Variants in EPHB1 observed in about 807,000 individuals in gnomAD.
EPHB1 encodes the protein EPH receptor B1.
Under a neutral mutation model 94.4 loss-of-function variants are expected in EPHB1, and 30 were observed. That is an observed-to-expected ratio of 0.32 (90% CI 0.24 to 0.43). The LOEUF (loss-of-function observed/expected upper bound fraction) is 0.43, where lower values mean the gene tolerates loss of function less well. Among genes scored for constraint, EPHB1 ranks in the 20% least tolerant of loss-of-function variants. The probability of loss-of-function intolerance (pLI) is 1.00; values close to 1 mark genes in which losing one functional copy is unlikely to be tolerated. For synonymous variants in EPHB1, 522 were observed against 489.1 expected, an observed-to-expected ratio of 1.07 and a Z score of -0.89; for missense variants, 1,055 against 1,308.3, an observed-to-expected ratio of 0.81 and a Z score of 2.99.
At chr3:134,886,332 G>T (rs114889377) in intron 1 of EPHB1, among the ~76,000 whole-genome samples, 20 of 152,268 alleles carry the variant, frequency 1.3e-4, no homozygotes, top group African/African-American at 3.1e-4. Context: ...CATTCTCTAC[G>T]TGCTTGACAG....
intron 3 of EPHB1, among the ~76,000 whole-genome samples, chr3:134,988,125 C>A (rs1242779570): frequency 2.0e-5 from 3 of 152,102 alleles, no homozygotes; most frequent in African/African-American, 7.2e-5. Context: ...AAGAAGCAGG[C>A]CTTATGTTGA....
chr3:135,142,115 A>G (rs927831466), intron 5 of EPHB1, among the ~76,000 whole-genome samples: 1 of 152,208 alleles, frequency 6.6e-6, no homozygotes, highest in African/African-American at 2.4e-5. Context: ...TTGGATATTC[A>G]GGCTTCTATT....
chr3:135,026,321 T>G (rs1264075251), intron 3 of EPHB1, among the ~76,000 whole-genome samples: 1 of 134,544 alleles, frequency 7.4e-6, no homozygotes, highest in Non-Finnish European at 1.6e-5. Flanking sequence ...TGCCTAGGTT[T>G]TCTTCTAGGG....
intron 1 of EPHB1, among the ~76,000 whole-genome samples, chr3:134,869,860 A>G (rs1231395910): frequency 6.6e-6 from 1 of 152,156 alleles, no homozygotes; most frequent in Non-Finnish European, 1.5e-5. Flanking sequence ...TTAATATTTA[A>G]TTAAATTAAG....
intron 5 of EPHB1, among the ~76,000 whole-genome samples, chr3:135,133,969 T>G (rs560868945): frequency 6.6e-6 from 1 of 152,192 alleles, no homozygotes; most frequent in Admixed American, 6.5e-5. Flanking sequence ...GTTCCTCCCA[T>G]GAAACTCATT....
At chr3:134,953,571 G>A (rs1282643390) in intron 3 of EPHB1, among the ~76,000 whole-genome samples, 1 of 152,246 alleles carries the variant, frequency 6.6e-6, no homozygotes, top group Non-Finnish European at 1.5e-5. Context: ...GCACCAGGCT[G>A]AGTTCTTAAA....
At chr3:134,807,588 T>G (rs1317124524) in intron 1 of EPHB1, among the ~76,000 whole-genome samples, 1 of 151,686 alleles carries the variant, frequency 6.6e-6, no homozygotes, top group Non-Finnish European at 1.5e-5. Context: ...TTTGGGACTT[T>G]GGTTATGATT....
chr3:135,091,485 T>C (rs1183863875), intron 3 of EPHB1, among the ~76,000 whole-genome samples: 1 of 152,170 alleles, frequency 6.6e-6, no homozygotes, highest in Non-Finnish European at 1.5e-5. Context: ...CCGGGATTGA[T>C]TAGCAATGTC....
chr3:135,014,101 G>A (rs1222441485), intron 3 of EPHB1, among the ~76,000 whole-genome samples: 1 of 152,156 alleles, frequency 6.6e-6, no homozygotes, highest in Non-Finnish European at 1.5e-5. Context: ...AAGGGCCCAG[G>A]TGGTCTTCCC....
chr3:134,965,691 C>G (rs553545620), intron 3 of EPHB1, among the ~76,000 whole-genome samples: 1 of 152,140 alleles, frequency 6.6e-6, no homozygotes, highest in East Asian at 1.9e-4. Flanking sequence ...CCCTTCTGCC[C>G]GCTTGTAGAG....
intron 3 of EPHB1, among the ~76,000 whole-genome samples, chr3:135,082,635 G>A (rs2107787672): frequency 6.6e-6 from 1 of 152,324 alleles, no homozygotes; most frequent in South Asian, 2.1e-4. Context: ...TGTGAGCTAA[G>A]CTGTAGAGAA....
At chr3:135,163,793 GGTAA>G (rs1339337102) in intron 7 of EPHB1, among the ~76,000 whole-genome samples, 4 of 152,162 alleles carry the variant, frequency 2.6e-5, no homozygotes, top group Non-Finnish European at 5.9e-5. Flanking sequence ...AGAGAGTTCT[GGTAA>G]GTGGCCAAAT....
At chr3:135,073,771 CT>C (rs910112537) in intron 3 of EPHB1, among the ~76,000 whole-genome samples, 107 of 151,014 alleles carry the variant, frequency 7.1e-4, no homozygotes, top group African/African-American at 2.3e-3. Flanking sequence ...TTCCCCCTTT[CT>C]TTTTTTTTCT....
At chr3:134,823,089 C>T (rs2036412234) in intron 1 of EPHB1, among the ~76,000 whole-genome samples, 1 of 152,198 alleles carries the variant, frequency 6.6e-6, no homozygotes, top group African/African-American at 2.4e-5. Context: ...TTCCAAGAGC[C>T]CAGACCCTGG....
intron 1 of EPHB1, among the ~76,000 whole-genome samples, chr3:134,917,952 C>G (rs1254281300): frequency 2.0e-5 from 3 of 152,334 alleles, no homozygotes; most frequent in East Asian, 3.9e-4. Context: ...AAGCCTCTAC[C>G]TTTGTTGTAC....
intron 12 of EPHB1, among the ~76,000 whole-genome samples, chr3:135,208,353 G>A (rs977857075): frequency 1.3e-5 from 2 of 151,442 alleles, no homozygotes; most frequent in African/African-American, 2.4e-5. Context: ...TGCACACAGA[G>A]AGATGCACAC....
rs765414344 is a variant in EPHB1 at position 134,951,512 on chromosome 3, A to T, written c.265A>T (p.Met89Leu). The T allele has an allele frequency of 6.2e-7, 1 of 1,613,844 alleles. No individual in the cohort carries two copies. Among genetic ancestry groups the T allele is most frequent in the South Asian group, 1.1e-5 (1 of 91,066 alleles). The stretch of plus-strand genomic sequence containing the variant: ...GGGGGCCCATCGCATCTACACAGAG[A>T]TGCGCTTCACTGTGAGAGACTGCAG... ...RRGAHRIYTE[M>L]RFTVRDCSSL... is the part of the protein sequence containing the mutation. Residue 89 changes from methionine to leucine, a missense_variant, in exon 3 of 16, where the codon ATG becomes TTG. By Grantham distance (15) the Met-to-Leu change is conservative. Coordinates refer to ENST00000398015, the MANE Select transcript of EPHB1 (RefSeq NM_004441.5). This position sits in a 1 kb window ranked among gnomAD's most constrained non-coding sequence, Gnocchi z 4.5.
At chr3:135,042,344 A>G (rs1171941984) in intron 3 of EPHB1, among the ~76,000 whole-genome samples, 2 of 152,206 alleles carry the variant, frequency 1.3e-5, no homozygotes, top group African/African-American at 4.8e-5. Context: ...ACACTGTTAC[A>G]TTGGGAATTA....
chr3:135,051,288 A>G (rs1465343521), intron 3 of EPHB1, among the ~76,000 whole-genome samples: 1 of 152,196 alleles, frequency 6.6e-6, no homozygotes, highest in Non-Finnish European at 1.5e-5. Context: ...AAATCCAACA[A>G]GCTAGATTGG....
Sources: gnomAD v4.1 joint callset for allele counts (sites outside exome capture counted in the v4.1 genomes callset) on GRCh38, gnomAD v4.1.1 for gene constraint, Gnocchi (gnomAD v3.1) non-coding constraint, MANE v1.5 for transcripts, NCBI Gene and HGNC (gene_info 2026-07-23, HGNC 2026-07-21) for gene names.